The following LNPEP variants were observed in gnomAD, a reference collection of about 807,000 sequenced individuals.
LNPEP encodes the protein leucyl and cystinyl aminopeptidase.
Under a neutral mutation model 120.6 loss-of-function variants are expected in LNPEP, and 64 were observed. The ratio of observed to expected loss-of-function variants is 0.53; its 90% confidence interval spans 0.43 to 0.65. The LOEUF is 0.65. LNPEP is among the 30% of genes least tolerant of loss of function. The pLI is 0.00. For missense variants in LNPEP, 1,057 were observed against 1,200.0 expected (o/e 0.88, Z 1.76); for synonymous variants, 435 against 425.4 (o/e 1.02, Z -0.28).
At position 97,030,757 on chromosome 5, in the gene LNPEP, T is replaced by C. The variant is rs1791454542; in HGVS notation, c.*2224T>C. The C allele has an allele frequency of 6.6e-6, 1 of 151,932 alleles. No individual in the cohort carries two copies. The highest frequency in any genetic ancestry group is 1.5e-5 in the Non-Finnish European group (1 of 67,982). The allele number at this position is 151,932 out of a possible 1,614,324, so 9.4% of individuals were successfully genotyped here. A position where few individuals can be genotyped will look rare whatever the true frequency, so the allele number is the denominator to read the frequency against. On this transcript the variant is annotated 3_prime_UTR_variant, in exon 18 of 18. Coordinates refer to ENST00000231368, the MANE Select transcript of LNPEP (RefSeq NM_005575.3). Reference sequence around the variant, plus strand: ...CATGATCCATTGCTATCTTTATTACTCAAAGGCTGTTCATTCCCATAATAC... The same window carrying C: ...CATGATCCATTGCTATCTTTATTACCCAAAGGCTGTTCATTCCCATAATAC...
rs751807405 is a variant in LNPEP at position 97,006,058 on chromosome 5, A to ATG, written c.1786-14_1786-13insGT. The ATG allele has an allele frequency of 1.1e-5, 11 of 1,022,462 alleles. No individual in the cohort carries two copies. In the African/African-American group the frequency reaches 1.7e-4, roughly 16 times the overall value. 63.3% of individuals were successfully genotyped at this position (1,022,462 alleles called of 1,614,324 possible). A position where few individuals can be genotyped will look rare whatever the true frequency, so the allele number is the denominator to read the frequency against. On this transcript the variant is annotated splice_polypyrimidine_tract_variant and intron_variant, in intron 9 of 17. Coordinates refer to ENST00000231368, the MANE Select transcript of LNPEP (RefSeq NM_005575.3). ...TAAGGAAAAAGTTTTATATATATAT[A>ATG]TATATATTTTGTAGGTCACAAACCA... is the stretch of plus-strand genomic sequence containing the variant.
rs575402807 is a variant in LNPEP, at chr5:96,953,188, G to A, written c.19+17014G>A. On this transcript the variant is annotated intron_variant, in intron 1 of 17. Coordinates refer to ENST00000231368, the MANE Select transcript of LNPEP (RefSeq NM_005575.3). ...CTATAATGTAATTTCCATTTGGCTGGCAGTAGGGAAAGGAAGGTACTTCCT... is the reference window on the plus strand; with the variant it reads ...CTATAATGTAATTTCCATTTGGCTGACAGTAGGGAAAGGAAGGTACTTCCT... 2.6e-5 allele frequency among the ~76,000 whole-genome samples: 4 copies of A among 152,342 alleles called. No individual in the cohort carries two copies. The East Asian group carries it at 7.7e-4, about 29-fold the overall frequency.
At chr5:96,971,857 T>C (rs1303622138) in intron 1 of LNPEP, among the ~76,000 whole-genome samples, 1 of 152,072 alleles carries the variant, frequency 6.6e-6, no homozygotes, top group Non-Finnish European at 1.5e-5. Context: ...GGGGATACAA[T>C]TGAAAAATAA....
chr5:97,024,318 A>G (rs865912882), intron 14 of LNPEP, among the ~76,000 whole-genome samples: 1 of 152,158 alleles, frequency 6.6e-6, no homozygotes, highest in African/African-American at 2.4e-5. Context: ...CTCTGTGAAT[A>G]TTAAATTGAA....
At chr5:97,015,126 G>A in intron 13 of LNPEP, 31 bp downstream of exon 13, 2 of 1,475,758 alleles carry the variant, frequency 1.4e-6, no homozygotes, top group South Asian at 1.5e-5. Context: ...GCTTCTTGCT[G>A]TTTATCTTTA....
chr5:96,939,614 TC>T (rs957266189), intron 1 of LNPEP, among the ~76,000 whole-genome samples: 6 of 152,172 alleles, frequency 3.9e-5, no homozygotes, highest in Non-Finnish European at 8.8e-5. Flanking sequence ...GTTTTTTTTT[TC>T]ATATGAATGT....
chr5:96,978,676 T>A (rs1003342192), intron 1 of LNPEP, among the ~76,000 whole-genome samples: 2 of 152,090 alleles, frequency 1.3e-5, no homozygotes, highest in African/African-American at 4.8e-5. Context: ...GGACAGAAAT[T>A]CTGGGATTGC....
intron 1 of LNPEP, among the ~76,000 whole-genome samples, chr5:96,956,092 CTGTT>C (rs1789460364): frequency 2.0e-5 from 3 of 151,288 alleles, no homozygotes; most frequent in African/African-American, 7.3e-5. Context: ...TGTGAAATGG[CTGTT>C]TAAATGTTTA....
chr5:97,006,061 TATA>T lies in LNPEP; in HGVS notation c.1786-11_1786-9del. On this transcript the variant is annotated splice_polypyrimidine_tract_variant and intron_variant, in intron 9 of 17. Transcript: ENST00000231368. ...GGAAAAAGTTTTATATATATATATA[TATA>T]TTTTGTAGGTCACAAACCAAACACT... 9.1e-7 allele frequency: 1 copy of T among 1,094,800 alleles called. No homozygotes were observed. Among genetic ancestry groups the T allele is most frequent in the Non-Finnish European group, 1.2e-6 (1 of 819,000 alleles). The allele number at this position is 1,094,800 out of a possible 1,614,324, so 67.8% of individuals were successfully genotyped here. A position where few individuals can be genotyped will look rare whatever the true frequency, so the allele number is the denominator to read the frequency against.
chr5:96,997,962 C>T, intron 7 of LNPEP, 52 bp from the exon 8 acceptor site: 1 of 1,290,418 alleles, frequency 7.7e-7, no homozygotes, highest in South Asian at 1.4e-5. Flanking sequence ...ATTTACTATA[C>T]TTTTGCATTT....
chr5:96,994,296 C>T (rs1790456764), intron 6 of LNPEP, among the ~76,000 whole-genome samples: 2 of 152,156 alleles, frequency 1.3e-5, no homozygotes, highest in African/African-American at 2.4e-5. Flanking sequence ...AGTGGCAGCA[C>T]TGGGCCATGA....
In LNPEP at chr5:96,993,913, C is replaced by A. The variant is rs996179795; in HGVS notation, c.1349C>A (p.Ser450Tyr). 3.1e-6 allele frequency: 5 copies of A among 1,613,886 alleles called. No homozygotes were observed. The East Asian group carries it at 1.1e-4, about 36-fold the overall frequency. ...EETLLYDSNT[S>Y]SMADRKLVTK... ...ACACTTCTGTATGACAGTAACACTT[C>A]TTCAATGGCGGATAGAAAGCTGGTG... Residue 450 changes from serine to tyrosine, a missense_variant, in exon 6 of 18, where the codon TCT becomes TAT. Coordinates refer to ENST00000231368, the MANE Select transcript of LNPEP (RefSeq NM_005575.3).
intron 1 of LNPEP, among the ~76,000 whole-genome samples, chr5:96,948,782 T>C (rs1247617689): frequency 6.6e-6 from 1 of 152,198 alleles, no homozygotes; most frequent in East Asian, 1.9e-4. Flanking sequence ...GGAGATACAT[T>C]TGGTTTTGTA....
chr5:96,949,495 C>T (rs1789274824), intron 1 of LNPEP, among the ~76,000 whole-genome samples: 1 of 152,176 alleles, frequency 6.6e-6, no homozygotes, highest in African/African-American at 2.4e-5. Flanking sequence ...TCACTTCCGC[C>T]ACACCCCTGT....
chr5:97,022,636 C>CTT (rs565546082), intron 14 of LNPEP, 152 bp downstream of exon 14: 235 of 523,954 alleles, frequency 4.5e-4, no homozygotes, highest in Non-Finnish European at 5.6e-4. Flanking sequence ...TCAAACAAGA[C>CTT]TTTTTTTTTT....
intron 13 of LNPEP, among the ~76,000 whole-genome samples, chr5:97,017,189 T>G (rs1330258416): frequency 6.6e-6 from 1 of 152,174 alleles, no homozygotes; most frequent in Non-Finnish European, 1.5e-5. Context: ...AGGTGCATAG[T>G]GGTACTGCAA....
chr5:97,022,041 C>T (rs575822222), intron 13 of LNPEP, among the ~76,000 whole-genome samples: 16 of 147,400 alleles, frequency 1.1e-4, no homozygotes, highest in Admixed American at 6.2e-4. Context: ...AAGTGTTTCT[C>T]CTGCCTCAGC....
chr5:97,010,168 A>G (rs1163937593), intron 11 of LNPEP: 1 of 579,256 alleles, frequency 1.7e-6, no homozygotes, highest in African/African-American at 2.0e-5. Context: ...TATATTTTTT[A>G]AAGTTTCCCT....
intron 1 of LNPEP, among the ~76,000 whole-genome samples, chr5:96,960,327 A>G (rs1434890032): frequency 6.6e-6 from 1 of 152,270 alleles, no homozygotes; most frequent in Non-Finnish European, 1.5e-5. Context: ...TATATGAATC[A>G]TAATTAAAAT....
Sources: gnomAD v4.1 joint callset for allele counts (sites outside exome capture counted in the v4.1 genomes callset) on GRCh38, gnomAD v4.1.1 for gene constraint, MANE v1.5 for transcripts, NCBI Gene and HGNC (gene_info 2026-07-23, HGNC 2026-07-21) for gene names.